DLGAP1: variants seen among roughly 807,000 people sequenced by gnomAD.
The protein encoded by DLGAP1 is DLG associated protein 1.
DLGAP1 carries 11 observed loss-of-function variants against 90.8 expected under a neutral mutation model. That is an observed-to-expected ratio of 0.12 (90% CI 0.08 to 0.20). The LOEUF is 0.20. Among genes scored for constraint, DLGAP1 ranks in the 10% least tolerant of loss-of-function variants. The pLI is 1.00. For synonymous variants in DLGAP1, 558 were observed against 540.7 expected (o/e 1.03, Z -0.44); for missense variants, 1,050 against 1,333.8 (o/e 0.79, Z 3.31).
intron 7 of DLGAP1, among the ~76,000 whole-genome samples, chr18:3,600,757 G>T (rs371437161): frequency 0.05 from 425 of 8,428 alleles, 8 homozygotes; most frequent in East Asian, 0.064. Flanking sequence ...GATATATATA[G>T]ATATATAGAT....
At chr18:4,013,227 G>C (rs75445275) in intron 2 of DLGAP1, among the ~76,000 whole-genome samples, 20,829 of 152,104 alleles carry the variant, frequency 0.14, 1,953 homozygotes, top group Non-Finnish European at 0.19. Context: ...TGTTTGCCGG[G>C]TACTATTATA....
chr18:4,174,975 T>C (rs1390103919), intron 1 of DLGAP1, among the ~76,000 whole-genome samples: 1 of 152,196 alleles, frequency 6.6e-6, no homozygotes, highest in Non-Finnish European at 1.5e-5. Flanking sequence ...TTCCACAGTG[T>C]ATATGTACCA....
At chr18:4,158,469 A>G (rs2076792664) in intron 1 of DLGAP1, among the ~76,000 whole-genome samples, 1 of 152,114 alleles carries the variant, frequency 6.6e-6, no homozygotes, top group African/African-American at 2.4e-5. Context: ...ATTAACATTC[A>G]CCCTGATGTT....
In DLGAP1 at chr18:4,455,276, G is replaced by A. The variant is rs184772075; in HGVS notation, c.-537C>T. 4.7e-3 allele frequency: 722 copies of A among 152,698 alleles called. 7 individuals are homozygous for A. Among genetic ancestry groups the A allele is most frequent in the African/African-American group, 0.016 (663 of 41,544 alleles). 9.5% of individuals were successfully genotyped at this position (152,698 alleles called of 1,614,324 possible). ...CTCTGGAGCGGAGGCTGAGCGCCGG[G>A]ACGCGGCGGGCTGGGGCTGCAAGGC... On this transcript the variant is annotated 5_prime_UTR_variant, in exon 1 of 13. Coordinates refer to ENST00000315677, the MANE Select transcript of DLGAP1 (RefSeq NM_004746.4).
chr18:4,044,614 G>C (rs1263589228), intron 2 of DLGAP1, among the ~76,000 whole-genome samples: 1 of 151,994 alleles, frequency 6.6e-6, no homozygotes, highest in East Asian at 1.9e-4. Flanking sequence ...GGTGGTGGGC[G>C]CCTGTAATCC....
chr18:4,355,023 A>G (rs1213412717), intron 1 of DLGAP1, among the ~76,000 whole-genome samples: 3 of 151,920 alleles, frequency 2.0e-5, no homozygotes, highest in African/African-American at 7.2e-5. Flanking sequence ...ACACATTGCT[A>G]GCGAAAATGT....
intron 7 of DLGAP1, among the ~76,000 whole-genome samples, chr18:3,685,246 T>C (rs953651037): frequency 1.3e-5 from 2 of 152,088 alleles, no homozygotes; most frequent in Admixed American, 6.6e-5. Context: ...CTTTCTCTAG[T>C]ATTAAGTGTC....
intron 1 of DLGAP1, among the ~76,000 whole-genome samples, chr18:4,221,562 C>A (rs1395166656): frequency 6.6e-6 from 1 of 151,958 alleles, no homozygotes; most frequent in African/African-American, 2.4e-5. Context: ...ATCATAAGAC[C>A]AACGATGCCT....
intron 7 of DLGAP1, among the ~76,000 whole-genome samples, chr18:3,619,902 G>A (rs2058034804): frequency 6.6e-6 from 1 of 151,540 alleles, no homozygotes; most frequent in Non-Finnish European, 1.5e-5. Flanking sequence ...CTACAGCCTT[G>A]ACCTCCTAGG....
At chr18:3,930,608 T>A (rs57015516) in intron 3 of DLGAP1, among the ~76,000 whole-genome samples, 33,572 of 152,000 alleles carry the variant, frequency 0.22, 4,605 homozygotes, top group East Asian at 0.38. Context: ...CCTGTGACTG[T>A]GCTGGGGACC....
chr18:3,847,435 C>T (rs927276882), intron 4 of DLGAP1, among the ~76,000 whole-genome samples: 1 of 151,776 alleles, frequency 6.6e-6, no homozygotes, highest in South Asian at 2.1e-4. Context: ...AACAAATCTC[C>T]AAATCTGCAA....
chr18:4,118,169 C>A (rs562819069), intron 2 of DLGAP1, among the ~76,000 whole-genome samples: 1 of 152,256 alleles, frequency 6.6e-6, no homozygotes, highest in Non-Finnish European at 1.5e-5. Flanking sequence ...TTGCTTTTGA[C>A]AATGTCCTTA....
intron 1 of DLGAP1, among the ~76,000 whole-genome samples, chr18:4,301,437 T>C (rs2080123459): frequency 6.6e-6 from 1 of 152,242 alleles, no homozygotes; most frequent in African/African-American, 2.4e-5. Context: ...TCTCCAGTTC[T>C]ATTCATGTTG....
At chr18:3,539,762 A>G (rs959720294) in intron 9 of DLGAP1, among the ~76,000 whole-genome samples, 3 of 152,228 alleles carry the variant, frequency 2.0e-5, no homozygotes, top group African/African-American at 4.8e-5. Context: ...TCTTTATGAC[A>G]TCCATGCTTT....
chr18:4,375,257 C>T (rs543809618), intron 1 of DLGAP1, among the ~76,000 whole-genome samples: 2 of 152,148 alleles, frequency 1.3e-5, no homozygotes, highest in African/African-American at 2.4e-5. Flanking sequence ...TGATGAGGAA[C>T]GAAGCTACAG....
intron 4 of DLGAP1, among the ~76,000 whole-genome samples, chr18:3,849,000 T>G (rs2148674554): frequency 6.6e-6 from 1 of 152,328 alleles, no homozygotes; most frequent in East Asian, 1.9e-4. Context: ...TTTCCAGACT[T>G]ATCTAGCACT....
chr18:4,357,505 A>G (rs2081548012), intron 1 of DLGAP1, among the ~76,000 whole-genome samples: 1 of 152,034 alleles, frequency 6.6e-6, no homozygotes, highest in Admixed American at 6.5e-5. Flanking sequence ...CTGTATTCTC[A>G]GTGTCTAAAT....
At chr18:3,831,158 T>C (rs1421993689) in intron 4 of DLGAP1, among the ~76,000 whole-genome samples, 1 of 152,042 alleles carries the variant, frequency 6.6e-6, no homozygotes, top group African/African-American at 2.4e-5. Flanking sequence ...GGAGCTGCAG[T>C]TGGATGTTGC....
At chr18:4,111,275 A>T (rs2075967963) in intron 2 of DLGAP1, among the ~76,000 whole-genome samples, 1 of 152,184 alleles carries the variant, frequency 6.6e-6, no homozygotes, top group Non-Finnish European at 1.5e-5. Flanking sequence ...GGTCAAGGTG[A>T]ATAATCCTTT....
Sources: gnomAD v4.1 joint callset for allele counts (sites outside exome capture counted in the v4.1 genomes callset) on GRCh38, gnomAD v4.1.1 for gene constraint, MANE v1.5 for transcripts, NCBI Gene and HGNC (gene_info 2026-07-23, HGNC 2026-07-21) for gene names.